The following MYCBP2 variants were observed in gnomAD, a reference collection of about 807,000 sequenced individuals.
MYCBP2 encodes the protein MYC binding protein 2.
A neutral mutation model predicts 525.3 loss-of-function variants in MYCBP2; 120 were observed. The ratio of observed to expected loss-of-function variants is 0.23; its 90% CI spans 0.20 to 0.27. The LOEUF (loss-of-function observed/expected upper bound fraction) is 0.27. Ranked by LOEUF, MYCBP2 falls within the 10% of genes least tolerant of loss-of-function variation. MYCBP2 has a pLI of 1.00. For missense variants in MYCBP2, 4,149 were observed against 5,657.1 expected, an observed-to-expected ratio of 0.73 and a Z score of 8.55; for synonymous variants, 1,894 against 1,955.8, an observed-to-expected ratio of 0.97 and a Z score of 0.83.
At chr13:77,083,370 A>C (rs2043636341) in intron 62 of MYCBP2, among the ~76,000 whole-genome samples, 178 bp from the exon 63 acceptor site, 1 of 152,196 alleles carries the variant, frequency 6.6e-6, no homozygotes, top group South Asian at 2.1e-4. Context: ...ATTTTAGGGA[A>C]AAAAGCTGTA....
intron 17 of MYCBP2, among the ~76,000 whole-genome samples, chr13:77,237,504 A>G (rs2068099639): frequency 6.6e-6 from 1 of 152,162 alleles, no homozygotes; most frequent in Non-Finnish European, 1.5e-5. Flanking sequence ...ATGTAAAACA[A>G]AATTCAGTCA....
At chr13:77,137,622 T>C (rs1345831128) in intron 52 of MYCBP2, among the ~76,000 whole-genome samples, 2 of 152,096 alleles carry the variant, frequency 1.3e-5, no homozygotes, top group Admixed American at 6.6e-5. Flanking sequence ...AGAGATTCGC[T>C]CTGTCTCCCA....
intron 1 of MYCBP2, among the ~76,000 whole-genome samples, chr13:77,298,039 T>C (rs1336830572): frequency 6.6e-6 from 1 of 152,208 alleles, no homozygotes; most frequent in Admixed American, 6.5e-5. Flanking sequence ...TTCTCAATTC[T>C]CTTAAGATAA....
At chr13:77,139,570 A>C (rs906361170) in intron 51 of MYCBP2, among the ~76,000 whole-genome samples, 1 of 152,226 alleles carries the variant, frequency 6.6e-6, no homozygotes, top group African/African-American at 2.4e-5. Context: ...CTTAGGAATA[A>C]AAACACAAGG....
At chr13:77,314,911 C>A (rs939139853) in intron 1 of MYCBP2, among the ~76,000 whole-genome samples, 7 of 152,064 alleles carry the variant, frequency 4.6e-5, no homozygotes, top group African/African-American at 1.4e-4. Context: ...TTGCTATGAA[C>A]TTAAAACTGC....
intron 82 of MYCBP2, among the ~76,000 whole-genome samples, chr13:77,049,524 AT>A (rs2036286779): frequency 6.6e-6 from 1 of 152,204 alleles, no homozygotes; most frequent in African/African-American, 2.4e-5. Context: ...TAGTTAATCA[AT>A]AGTATTAGTT....
chr13:77,315,138 C>T (rs1411021883), intron 1 of MYCBP2, among the ~76,000 whole-genome samples: 2 of 152,118 alleles, frequency 1.3e-5, no homozygotes, highest in African/African-American at 2.4e-5. Flanking sequence ...TATTAAAGAA[C>T]GTGAATTTGT....
chr13:77,195,870 T>A (rs2061706819), intron 26 of MYCBP2, among the ~76,000 whole-genome samples: 1 of 152,222 alleles, frequency 6.6e-6, no homozygotes, highest in Non-Finnish European at 1.5e-5. Context: ...GTTTCTCATC[T>A]CCTCCACAGC....
chr13:77,188,073 CA>C (rs745537934), intron 30 of MYCBP2, among the ~76,000 whole-genome samples: 170 of 53,244 alleles, frequency 3.2e-3, no homozygotes, highest in South Asian at 0.017. Context: ...TCTGCCTCAC[CA>C]AAAAAAAAAA....
chr13:77,315,911 A>C (rs905721063), intron 1 of MYCBP2, among the ~76,000 whole-genome samples: 2 of 151,196 alleles, frequency 1.3e-5, no homozygotes, highest in African/African-American at 4.8e-5. Flanking sequence ...AAAAAAAAAA[A>C]AAATTAAAAT....
chr13:77,152,518 T>C (rs1404488841), intron 46 of MYCBP2, among the ~76,000 whole-genome samples: 1 of 152,130 alleles, frequency 6.6e-6, no homozygotes, highest in Non-Finnish European at 1.5e-5. Context: ...TCCGCCTAAA[T>C]GTTGCCTTTT....
At chr13:77,153,064 C>CAAAAAAAAAAAAAAAAAAAAAAAA (rs34811244) in intron 46 of MYCBP2, among the ~76,000 whole-genome samples, 1 of 78,924 alleles carries the variant, frequency 1.3e-5, no homozygotes. Context: ...GACTCTGTCT[C>CAAAAAAAAAAAAAAAAAAAAAAAA]AAAAAAAAAA....
intron 1 of MYCBP2, among the ~76,000 whole-genome samples, chr13:77,305,691 G>A (rs1055584653): frequency 5.9e-5 from 9 of 151,640 alleles, no homozygotes; most frequent in Non-Finnish European, 1.3e-4. Context: ...AAAAGAGAGA[G>A]CCATTTACCT....
intron 1 of MYCBP2, among the ~76,000 whole-genome samples, chr13:77,312,406 G>A (rs1224816586): frequency 6.6e-6 from 1 of 152,054 alleles, no homozygotes. Context: ...GGTGATGTTT[G>A]CCAAGTATAG....
intron 47 of MYCBP2, among the ~76,000 whole-genome samples, chr13:77,148,745 C>T (rs573316935): frequency 6.6e-5 from 10 of 152,082 alleles, no homozygotes; most frequent in African/African-American, 2.4e-4. Context: ...CTGATCGGTG[C>T]TTTCTTTTAA....
intron 17 of MYCBP2, among the ~76,000 whole-genome samples, chr13:77,239,418 T>G (rs907106160): frequency 6.6e-6 from 1 of 152,180 alleles, no homozygotes; most frequent in Non-Finnish European, 1.5e-5. Context: ...GCAAAGCCAC[T>G]ACAATCTTTT....
intron 18 of MYCBP2, among the ~76,000 whole-genome samples, chr13:77,229,862 A>G (rs2066889173): frequency 1.3e-5 from 2 of 152,242 alleles, no homozygotes; most frequent in South Asian, 4.2e-4. Context: ...ATAGACTCAG[A>G]TGTTTATCAG....
chr13:77,319,109 C>CGT lies in MYCBP2; in HGVS notation c.302+7363_302+7364dup, dbSNP rs144702217. On this transcript the variant is annotated intron_variant, in intron 1 of 82. Transcript: ENST00000544440. ...GGGGTGCCTTGGTGCAGTTTGGGAA[C>CGT]GTGTGTGTGTGTGTGTTTGTGTGTA... Among the ~76,000 whole-genome samples the CGT allele has an allele frequency of 1.6e-4, 24 of 151,166 alleles. 1 individual carries two copies. The highest frequency in any genetic ancestry group is 2.7e-4 in the African/African-American group (11 of 41,250).
chr13:77,240,298 T>A (rs970893165), intron 17 of MYCBP2, among the ~76,000 whole-genome samples: 1 of 152,122 alleles, frequency 6.6e-6, no homozygotes, highest in African/African-American at 2.4e-5. Flanking sequence ...CTTGTCCAAA[T>A]GCAAAAATAT....
Sources: allele counts gnomAD v4.1 joint callset (sites outside exome capture counted in the v4.1 genomes callset), GRCh38; gene constraint gnomAD v4.1.1; transcripts MANE v1.5; gene names NCBI Gene and HGNC (gene_info 2026-07-23, HGNC 2026-07-21).